CACHD1: variants seen among roughly 807,000 people sequenced by gnomAD.
CACHD1 encodes VWFA and cache domain-containing protein 1.
CACHD1 carries 71 observed loss-of-function variants against 138.7 expected under a neutral mutation model. The ratio of observed to expected loss-of-function variants is 0.51; its 90% CI spans 0.42 to 0.62. The LOEUF (loss-of-function observed/expected upper bound fraction) is 0.62. Ranked by LOEUF, CACHD1 falls within the 20% of genes least tolerant of loss-of-function variation. The pLI, the probability that CACHD1 is intolerant of heterozygous loss-of-function variation, is 0.00. For synonymous variants in CACHD1, 578 were observed against 591.5 expected (o/e 0.98, Z 0.33); for missense variants, 1,389 against 1,625.3 (o/e 0.85, Z 2.50).
chr1:64,673,257 G>A lies in CACHD1; in HGVS notation c.2610G>A (p.Lys870=). The change falls in exon 18 of 27, where the codon AAG becomes AAA. Residue 870 remains lysine, a splice_region_variant and synonymous_variant. Coordinates refer to ENST00000651257, the MANE Select transcript of CACHD1 (RefSeq NM_020925.4). ...TGGAGCAGCAGCACATCACCCACAA[G>A]GTATTTGTCACAAAGCTGAGCTGCT... ...APVEQQHITH[K]EPLVANDILN... 6.2e-7 allele frequency: 1 copy of A among 1,614,066 alleles called. No homozygotes were observed. The highest frequency in any genetic ancestry group is 8.5e-7 in the Non-Finnish European group (1 of 1,179,976).
chr1:64,604,651 G>T lies in CACHD1; in HGVS notation c.517+1739G>T, dbSNP rs541394703. On this transcript the variant is annotated intron_variant, in intron 4 of 26. Transcript: ENST00000651257. ...TTTTTACAAGTCATGGTAACTCATG[G>T]GTTGTTTCTTTTTTTCTTTGAGATA... is the stretch of plus-strand genomic sequence containing the variant. Among the ~76,000 whole-genome samples the T allele has an allele frequency of 2.5e-4, 38 of 152,214 alleles. No homozygotes were observed. In the South Asian group the frequency reaches 7.7e-3, roughly 31 times the overall value.
rs747391946 is a variant in CACHD1, at chr1:64,673,355, T to C, written c.2618T>C (p.Leu873Pro). The C allele has an allele frequency of 1.2e-6, 2 of 1,614,084 alleles. No individual in the cohort carries two copies. The highest frequency in any genetic ancestry group is 8.5e-7 in the Non-Finnish European group (1 of 1,179,974). The change falls in exon 19 of 27, where the codon CTG becomes CCG. Residue 873 changes from leucine to proline, a missense_variant. Leu to Pro is a moderately conservative substitution (Grantham distance 98). Transcript: ENST00000651257. ...TCTCTTTGGCCTTGGTAGGAGCCCC[T>C]GGTAGCAAATGATATCCTCAACCAC... ...EQQHITHKEPLVANDILNHPN... is the reference protein window; with the variant it reads ...EQQHITHKEPPVANDILNHPN...
chr1:64,629,116 A>G (rs750130947), intron 4 of CACHD1, among the ~76,000 whole-genome samples: 2 of 152,230 alleles, frequency 1.3e-5, no homozygotes, highest in Non-Finnish European at 2.9e-5. Flanking sequence ...TCCAAGACAT[A>G]TAATGTCATG....
chr1:64,634,812 G>T (rs111672040), intron 7 of CACHD1, among the ~76,000 whole-genome samples: 1 of 151,888 alleles, frequency 6.6e-6, no homozygotes, highest in African/African-American at 2.4e-5. Context: ...GGCCAATATG[G>T]TGAAACCCCA....
At chr1:64,617,558 G>A (rs760829918) in intron 4 of CACHD1, among the ~76,000 whole-genome samples, 1 of 152,150 alleles carries the variant, frequency 6.6e-6, no homozygotes, top group Non-Finnish European at 1.5e-5. Context: ...GAGGATGCCT[G>A]CTCCTTAGTC....
chr1:64,618,686 G>A (rs1270234962), intron 4 of CACHD1, among the ~76,000 whole-genome samples: 7 of 152,260 alleles, frequency 4.6e-5, no homozygotes, highest in Admixed American at 3.9e-4. Context: ...ATTTTGTTTG[G>A]AATCCTCAGA....
At chr1:64,632,111 A>G (rs1648326636) in intron 5 of CACHD1, among the ~76,000 whole-genome samples, 2 of 152,010 alleles carry the variant, frequency 1.3e-5, no homozygotes, top group African/African-American at 4.8e-5. Context: ...AGGGACCACT[A>G]CATCCACATC....
At chr1:64,654,855 T>A (rs1252274018) in intron 12 of CACHD1, 52 bp downstream of exon 12, 2 of 1,347,754 alleles carry the variant, frequency 1.5e-6, no homozygotes. Flanking sequence ...TACAGTGCTC[T>A]TCTTCATGTT....
intron 16 of CACHD1, among the ~76,000 whole-genome samples, chr1:64,668,845 TTGA>T (rs1369652337): frequency 6.6e-6 from 1 of 152,184 alleles, no homozygotes; most frequent in Admixed American, 6.5e-5. Context: ...AACTATGACT[TTGA>T]TGGATGCACG....
chr1:64,685,925 T>C (rs975818092), intron 26 of CACHD1, among the ~76,000 whole-genome samples: 3 of 151,976 alleles, frequency 2.0e-5, no homozygotes, highest in East Asian at 1.9e-4. Flanking sequence ...GGCACGGTGC[T>C]CAGGGTTGAC....
At position 64,676,884 on chromosome 1, in the gene CACHD1, C is replaced by G; in HGVS notation, c.2976-11C>G. ...TGGTCGTCTTAACCTCCAGACTTAC[C>G]TCCTGCACAGAAACCCCAGCTGCGA... On this transcript the variant is annotated splice_polypyrimidine_tract_variant and intron_variant, in intron 21 of 26. Transcript: ENST00000651257. The G allele has an allele frequency of 3.7e-6, 6 of 1,610,232 alleles. No individual in the cohort carries two copies. Among genetic ancestry groups the G allele is most frequent in the Non-Finnish European group, 5.1e-6 (6 of 1,177,230 alleles).
intron 1 of CACHD1, among the ~76,000 whole-genome samples, chr1:64,524,869 T>C (rs1322244604): frequency 6.6e-6 from 1 of 152,228 alleles, no homozygotes; most frequent in African/African-American, 2.4e-5. Flanking sequence ...ATTGCTTTTT[T>C]TCCTCCCTTA....
intron 22 of CACHD1, among the ~76,000 whole-genome samples, chr1:64,677,475 G>C (rs770504573): frequency 9.2e-5 from 14 of 152,224 alleles, no homozygotes; most frequent in Non-Finnish European, 1.8e-4. Context: ...TATGGAAATA[G>C]TGGCTGTGGT....
Position 64,691,435 on chromosome 1 carries a change from C to T in CACHD1, c.3699C>T (p.Thr1233=), listed in dbSNP as rs771558383. 6.2e-6 allele frequency: 10 copies of T among 1,614,034 alleles called. No individual in the cohort carries two copies. Among genetic ancestry groups the T allele is most frequent in the East Asian group, 2.2e-5 (1 of 44,870 alleles). ...GNHDEDLDLD[T]PPQTAALLSH... ...ATGATGAGGACTTAGACCTGGATACCCCCCCTCAGACTGCTGCCCTACTAA... is the reference window on the plus strand; with the variant it reads ...ATGATGAGGACTTAGACCTGGATACTCCCCCTCAGACTGCTGCCCTACTAA... The change falls in exon 27 of 27, where the codon ACC becomes ACT. Residue 1233 remains threonine, a synonymous_variant. Transcript: ENST00000651257.
intron 4 of CACHD1, among the ~76,000 whole-genome samples, chr1:64,609,627 AT>A (rs1412825469): frequency 6.6e-6 from 1 of 152,156 alleles, no homozygotes; most frequent in Non-Finnish European, 1.5e-5. Flanking sequence ...ACTTCAGAAG[AT>A]TTTGTTAGCC....
At chr1:64,471,835 A>T (rs1293614709) in intron 1 of CACHD1, among the ~76,000 whole-genome samples, 1 of 151,992 alleles carries the variant, frequency 6.6e-6, no homozygotes. Flanking sequence ...AATCCTGATG[A>T]TGTTACTCAC....
chr1:64,522,096 A>G (rs972968292), intron 1 of CACHD1, among the ~76,000 whole-genome samples: 4 of 152,168 alleles, frequency 2.6e-5, no homozygotes, highest in Non-Finnish European at 5.9e-5. Context: ...TAGTTCTTAC[A>G]TTGAGATATT....
At chr1:64,552,096 TC>T (rs1646763437) in intron 2 of CACHD1, among the ~76,000 whole-genome samples, 1 of 152,230 alleles carries the variant, frequency 6.6e-6, no homozygotes, top group Non-Finnish European at 1.5e-5. Flanking sequence ...TTTGCCACTT[TC>T]CTTCAAGTAA....
intron 5 of CACHD1, 56 bp from the exon 6 acceptor site, chr1:64,632,543 G>C (rs1557529043): frequency 3.1e-6 from 5 of 1,595,662 alleles, no homozygotes; most frequent in Non-Finnish European, 3.4e-6. Flanking sequence ...GCTGTGTTAA[G>C]TTGAGGCCCT....
Sources: gnomAD v4.1 joint callset for allele counts (sites outside exome capture counted in the v4.1 genomes callset) on GRCh38, gnomAD v4.1.1 for gene constraint, MANE v1.5 for transcripts, NCBI Gene and HGNC (gene_info 2026-07-23, HGNC 2026-07-21) for gene names.